The following KDM5A variants were observed in gnomAD, a reference collection of about 807,000 sequenced individuals.
KDM5A encodes the protein lysine-specific demethylase 5A.
A neutral mutation model predicts 193.5 loss-of-function variants in KDM5A; 42 were observed. The observed-to-expected ratio is 0.22, with a 90% CI of 0.17 to 0.28. The LOEUF (loss-of-function observed/expected upper bound fraction) is 0.28. Ranked by LOEUF, KDM5A falls within the 10% of genes least tolerant of loss-of-function variation. The probability of loss-of-function intolerance (pLI) is 1.00; values close to 1 mark genes in which losing one functional copy is unlikely to be tolerated. For missense variants in KDM5A, 1,692 were observed against 2,055.1 expected, an observed-to-expected ratio of 0.82 and a Z score of 3.42; for synonymous variants, 796 against 718.1, an observed-to-expected ratio of 1.11 and a Z score of -1.73.
In KDM5A at chr12:388,665, C is replaced by G. The variant is rs1481727206; in HGVS notation, c.165+262G>C. 4 of 565,006 alleles carry G rather than the reference C, an allele frequency of 7.1e-6. No individual in the cohort carries two copies. In the South Asian group the frequency reaches 8.2e-5, roughly 12 times the overall value. 35.0% of individuals were successfully genotyped at this position (565,006 alleles called of 1,614,324 possible). ...AAACACCATATCGGCTAACGAAAGG[C>G]TTTAGGCCCACGGCTGAGAGAAAAG... On this transcript the variant is annotated intron_variant, in intron 1 of 27. Coordinates refer to ENST00000399788, the MANE Select transcript of KDM5A (RefSeq NM_001042603.3).
At chr12:380,734 TA>T (rs1309728845) in intron 3 of KDM5A, among the ~76,000 whole-genome samples, 1 of 151,328 alleles carries the variant, frequency 6.6e-6, no homozygotes, top group Non-Finnish European at 1.5e-5. Context: ...AAAAAAAAAG[TA>T]GAAAGAGCTT....
rs989855120 is a variant in KDM5A, at chr12:281,006, T to C, written c.*4450A>G. 2 of 232,902 alleles carry C rather than the reference T, an allele frequency of 8.6e-6. No individual in the cohort carries two copies. Among genetic ancestry groups the C allele is most frequent in the Non-Finnish European group, 1.7e-5 (2 of 117,896 alleles). The allele number at this position is 232,902 out of a possible 1,614,324, so 14.4% of individuals were successfully genotyped here. ...TTTCCTCAGGATTATCAATACTCAT[T>C]ATCAAAATGTACTTTTGCTTGGTTA... On this transcript the variant is annotated 3_prime_UTR_variant, in exon 28 of 28. Transcript: ENST00000399788.
chr12:357,130 A>C (rs531060854), intron 5 of KDM5A, among the ~76,000 whole-genome samples: 1 of 152,238 alleles, frequency 6.6e-6, no homozygotes, highest in East Asian at 1.9e-4. Context: ...AAAGTACAAA[A>C]ATTAGCCAGG....
At chr12:318,631 A>G (rs1432354294) in intron 18 of KDM5A, among the ~76,000 whole-genome samples, 170 bp from the exon 19 acceptor site, 1 of 152,246 alleles carries the variant, frequency 6.6e-6, no homozygotes, top group African/African-American at 2.4e-5. Context: ...GCTTTTGTGT[A>G]ATTACTTCTA....
chr12:333,265 A>C (rs1487185201), intron 12 of KDM5A: 2 of 564,564 alleles, frequency 3.5e-6, no homozygotes, highest in Non-Finnish European at 6.3e-6. Flanking sequence ...CAAAAAATAC[A>C]ACAATTAGCC....
intron 1 of KDM5A, chr12:388,125 A>G (rs1944668048): frequency 3.4e-6 from 1 of 295,434 alleles, no homozygotes; most frequent in African/African-American, 2.2e-5. Context: ...ATCATTTAAA[A>G]AGCACTGGTC....
intron 10 of KDM5A, among the ~76,000 whole-genome samples, chr12:341,869 C>T (rs1944009714): frequency 6.7e-6 from 1 of 149,642 alleles, no homozygotes; most frequent in Admixed American, 6.7e-5. Context: ...CACTGTACTC[C>T]AGCCGGGCAA....
chr12:382,929 C>T (rs1174003920), intron 3 of KDM5A, among the ~76,000 whole-genome samples: 1 of 151,064 alleles, frequency 6.6e-6, no homozygotes, highest in Non-Finnish European at 1.5e-5. Context: ...AAAACTCCAT[C>T]TCAAAAAAAA....
At chr12:365,882 C>T (rs1007087913) in intron 4 of KDM5A, 52 bp downstream of exon 4, 1 of 1,588,454 alleles carries the variant, frequency 6.3e-7, no homozygotes, top group Non-Finnish European at 8.6e-7. Flanking sequence ...AAAGTTTGTA[C>T]TTGGGCAAAC....
At chr12:289,796 A>T (rs1943266970) in intron 27 of KDM5A, among the ~76,000 whole-genome samples, 1 of 151,854 alleles carries the variant, frequency 6.6e-6, no homozygotes, top group Non-Finnish European at 1.5e-5. Context: ...AATAATAGTA[A>T]TTACTGGTCA....
intron 14 of KDM5A, 139 bp from the exon 15 acceptor site, chr12:323,920 A>G: frequency 1.4e-6 from 1 of 722,102 alleles, no homozygotes; most frequent in Admixed American, 2.2e-5. Flanking sequence ...CACAACATCA[A>G]AATACTTCCT....
intron 3 of KDM5A, among the ~76,000 whole-genome samples, chr12:373,389 T>C (rs1944457889): frequency 6.6e-6 from 1 of 152,204 alleles, no homozygotes; most frequent in South Asian, 2.1e-4. Context: ...TAGAGGTGTT[T>C]ATTCTCTGAT....
At chr12:296,144 C>A (rs985050386) in intron 25 of KDM5A, among the ~76,000 whole-genome samples, 1 of 151,938 alleles carries the variant, frequency 6.6e-6, no homozygotes. Context: ...CATAGTGAAA[C>A]CCCATCTCTA....
rs756142071 is a variant in KDM5A, at chr12:334,234, T to C, written c.1490+7A>G. 4 of 1,612,808 alleles carry C rather than the reference T, an allele frequency of 2.5e-6. No individual in the cohort carries two copies. Among genetic ancestry groups the C allele is most frequent in the Non-Finnish European group, 2.5e-6 (3 of 1,178,884 alleles). On this transcript the variant is annotated splice_region_variant and intron_variant, in intron 11 of 27. Transcript: ENST00000399788. ...TTCATGCATGCTGTATTTTAGACTG[T>C]ACATACCAGTGCAAGTAGTTGATGG... is the stretch of plus-strand genomic sequence containing the variant.
intron 18 of KDM5A, among the ~76,000 whole-genome samples, chr12:320,219 G>A (rs1028171286): frequency 3.9e-5 from 6 of 152,212 alleles, no homozygotes; most frequent in South Asian, 4.2e-4. Flanking sequence ...ATTTTAGGCC[G>A]GGTGCGGTGG....
chr12:346,146 C>T (rs1944072038), intron 10 of KDM5A, among the ~76,000 whole-genome samples: 1 of 152,134 alleles, frequency 6.6e-6, no homozygotes, highest in African/African-American at 2.4e-5. Context: ...CACCTCTACA[C>T]AAATAAACTA....
chr12:313,016 G>A (rs1216724144), intron 20 of KDM5A, 40 bp downstream of exon 20: 1 of 1,593,380 alleles, frequency 6.3e-7, no homozygotes, highest in Non-Finnish European at 8.6e-7. Flanking sequence ...CATGAAACAG[G>A]CATTACCTGA....
intron 20 of KDM5A, among the ~76,000 whole-genome samples, chr12:311,839 G>C (rs1943590411): frequency 6.6e-6 from 1 of 152,168 alleles, no homozygotes; most frequent in African/African-American, 2.4e-5. Flanking sequence ...TTCAAGACCA[G>C]CCTGGCCAAC....
chr12:322,939 T>C (rs1943736464), intron 16 of KDM5A, 143 bp downstream of exon 16: 1 of 1,065,492 alleles, frequency 9.4e-7, no homozygotes, highest in Non-Finnish European at 1.4e-6. Flanking sequence ...ATTAAGTCTA[T>C]ATTCAATCAA....
Sources: gnomAD v4.1 joint callset for allele counts (sites outside exome capture counted in the v4.1 genomes callset) on GRCh38, gnomAD v4.1.1 for gene constraint, MANE v1.5 for transcripts, NCBI Gene and HGNC (gene_info 2026-07-23, HGNC 2026-07-21) for gene names.